Variants in AFG2A observed in about 807,000 individuals in gnomAD.
AFG2A encodes AAA ATPase AFG2A.
the AFG2A span, among the ~76,000 whole-genome samples, chr4:123,162,463 G>A: frequency 6.6e-6 from 1 of 152,090 alleles, no homozygotes; most frequent in South Asian, 2.1e-4. Context: ...AATTAATAGT[G>A]TACACTACAT....
At chr4:122,981,468 T>C in the AFG2A span, among the ~76,000 whole-genome samples, 1 of 151,610 alleles carries the variant, frequency 6.6e-6, no homozygotes, top group African/African-American at 2.4e-5. Flanking sequence ...TACAGCTTTT[T>C]TTTTTTTTTT....
the AFG2A span, among the ~76,000 whole-genome samples, chr4:123,058,116 CATT>C: frequency 1.3e-5 from 2 of 152,180 alleles, no homozygotes; most frequent in Non-Finnish European, 2.9e-5. Context: ...AGGAACCTAT[CATT>C]AGGAGGTAGA....
At chr4:122,969,908 C>T in the AFG2A span, among the ~76,000 whole-genome samples, 14 of 152,110 alleles carry the variant, frequency 9.2e-5, no homozygotes, top group Non-Finnish European at 1.9e-4. Context: ...GACTGCATAA[C>T]GATGTTTTAG....
At chr4:123,278,720 C>T in the AFG2A span, among the ~76,000 whole-genome samples, 1 of 152,116 alleles carries the variant, frequency 6.6e-6, no homozygotes, top group Admixed American at 6.5e-5. Context: ...ACCCAAAAGT[C>T]ACTTGGGAGC....
chr4:123,046,396 C>T, the AFG2A span, among the ~76,000 whole-genome samples: 3 of 152,144 alleles, frequency 2.0e-5, no homozygotes, highest in Non-Finnish European at 4.4e-5. Flanking sequence ...GTTCATGGCA[C>T]ATAGTCAAGG....
the AFG2A span, among the ~76,000 whole-genome samples, chr4:123,017,273 C>T: frequency 2.0e-5 from 3 of 146,800 alleles, no homozygotes; most frequent in South Asian, 2.3e-4. Context: ...AGAGCGAGAG[C>T]GAGAGCTGAC....
the AFG2A span, among the ~76,000 whole-genome samples, chr4:123,298,431 C>T: frequency 6.6e-6 from 1 of 152,202 alleles, no homozygotes; most frequent in East Asian, 1.9e-4. Context: ...TCTTTAAGTT[C>T]AGTTCGACCC....
At chr4:123,115,754 A>G in the AFG2A span, among the ~76,000 whole-genome samples, 1 of 152,080 alleles carries the variant, frequency 6.6e-6, no homozygotes, top group Non-Finnish European at 1.5e-5. Flanking sequence ...CCCGGCTGCC[A>G]AAGTGGCAGT....
the AFG2A span, among the ~76,000 whole-genome samples, chr4:123,016,911 G>A: frequency 1.5e-3 from 227 of 152,288 alleles, no homozygotes; most frequent in Non-Finnish European, 2.4e-3. Context: ...CTCGCAGTTC[G>A]GAGCTGGAGA....
At chr4:123,144,147 G>T in the AFG2A span, among the ~76,000 whole-genome samples, 2 of 151,980 alleles carry the variant, frequency 1.3e-5, no homozygotes, top group African/African-American at 4.8e-5. Flanking sequence ...CTATGGGGTT[G>T]ACAACTTTTC....
At chr4:123,138,126 G>A in the AFG2A span, among the ~76,000 whole-genome samples, 2 of 152,102 alleles carry the variant, frequency 1.3e-5, no homozygotes, top group Non-Finnish European at 2.9e-5. Flanking sequence ...AGCCTATAGT[G>A]TGCAATTATA....
chr4:123,067,460 T>C, the AFG2A span, among the ~76,000 whole-genome samples: 1 of 151,760 alleles, frequency 6.6e-6, no homozygotes, highest in Non-Finnish European at 1.5e-5. Context: ...TAGGTTGCAG[T>C]GAGCCAAGAT....
At chr4:122,935,701 CT>C in the AFG2A span, 1 of 1,558,198 alleles carries the variant, frequency 6.4e-7, no homozygotes. Context: ...GTGTTTTCTA[CT>C]TTTTCTTCCA....
chr4:123,207,890 C>A, the AFG2A span, among the ~76,000 whole-genome samples: 1 of 152,148 alleles, frequency 6.6e-6, no homozygotes, highest in Admixed American at 6.5e-5. Flanking sequence ...CAGTTCCTAT[C>A]CAAATTTCAG....
At chr4:123,041,253 G>C in the AFG2A span, among the ~76,000 whole-genome samples, 2 of 147,886 alleles carry the variant, frequency 1.4e-5, no homozygotes, top group African/African-American at 4.9e-5. Context: ...TGGGATTACA[G>C]GTGCCCGCCA....
the AFG2A span, among the ~76,000 whole-genome samples, chr4:123,307,687 A>G: frequency 6.6e-6 from 1 of 152,234 alleles, no homozygotes; most frequent in Non-Finnish European, 1.5e-5. Context: ...CCAAAATAAT[A>G]TACAGTCATG....
the AFG2A span, among the ~76,000 whole-genome samples, chr4:123,301,402 G>A: frequency 6.6e-6 from 1 of 152,130 alleles, no homozygotes; most frequent in Non-Finnish European, 1.5e-5. Flanking sequence ...TTACAAGTCA[G>A]AGGAAGCAGA....
At chr4:123,094,505 T>C in the AFG2A span, among the ~76,000 whole-genome samples, 44 of 152,154 alleles carry the variant, frequency 2.9e-4, no homozygotes, top group East Asian at 8.1e-3. Context: ...AAAAATAAGA[T>C]TATATATCAA....
the AFG2A span, among the ~76,000 whole-genome samples, chr4:123,063,399 G>A: frequency 1.3e-5 from 2 of 152,116 alleles, no homozygotes; most frequent in African/African-American, 2.4e-5. Context: ...TGTTTTCTAT[G>A]ATAACATTCA....
Sources: allele counts gnomAD v4.1 joint callset (sites outside exome capture counted in the v4.1 genomes callset), GRCh38; gene constraint gnomAD v4.1.1; transcripts MANE v1.5; gene names NCBI Gene and HGNC (gene_info 2026-07-23, HGNC 2026-07-21).